The following CACUL1 variants were observed in gnomAD, a reference collection of about 807,000 sequenced individuals.
CACUL1 encodes CDK2-associated and cullin domain-containing protein 1.
A neutral mutation model predicts 45.2 loss-of-function variants in CACUL1; 13 were observed. The observed-to-expected ratio is 0.29, with a 90% CI of 0.19 to 0.46. The LOEUF is 0.46. Ranked by LOEUF, CACUL1 falls within the 20% of genes least tolerant of loss-of-function variation. The pLI, the probability that CACUL1 is intolerant of heterozygous loss-of-function variation, is 1.00. For synonymous variants in CACUL1, 197 were observed against 174.2 expected (o/e 1.13, Z -1.03); for missense variants, 421 against 471.4 (o/e 0.89, Z 0.99).
intron 4 of CACUL1, among the ~76,000 whole-genome samples, chr10:118,704,405 A>C (rs777037976): frequency 2.0e-4 from 30 of 152,178 alleles, no homozygotes; most frequent in Admixed American, 1.3e-4. Context: ...CATTCATTTT[A>C]ATATCAGGTG....
intron 7 of CACUL1, chr10:118,686,889 G>A (rs1273158518): frequency 6.3e-6 from 3 of 479,264 alleles, no homozygotes; most frequent in Non-Finnish European, 1.1e-5. Flanking sequence ...TTCCACTTTA[G>A]AGTTAAGAAA....
intron 7 of CACUL1, among the ~76,000 whole-genome samples, chr10:118,690,073 G>T (rs928740274): frequency 6.6e-6 from 1 of 152,176 alleles, no homozygotes; most frequent in Admixed American, 6.5e-5. Flanking sequence ...GGGAGGCCAA[G>T]TGTATCACTT....
At chr10:118,703,767 TAGCGG>T (rs1845407291) in intron 4 of CACUL1, among the ~76,000 whole-genome samples, 3 of 152,318 alleles carry the variant, frequency 2.0e-5, no homozygotes, top group African/African-American at 7.2e-5. Context: ...TAAAGTAAGT[TAGCGG>T]AAAAAAAGTT....
At chr10:118,729,487 C>T (rs1260861539) in intron 2 of CACUL1, 90 bp from the exon 3 acceptor site, 1 of 835,758 alleles carries the variant, frequency 1.2e-6, no homozygotes, top group Non-Finnish European at 2.0e-6. Context: ...GATATATAAC[C>T]ACTGATCCAA....
In CACUL1 at chr10:118,754,405, A is replaced by T; in HGVS notation, c.358T>A (p.Ser120Thr). 1 of 1,565,016 alleles carries T rather than the reference A, an allele frequency of 6.4e-7. No individual in the cohort carries two copies. Among genetic ancestry groups the T allele is most frequent in the Non-Finnish European group, 8.6e-7 (1 of 1,156,558 alleles). Residue 120 changes from serine to threonine, a missense_variant, in exon 1 of 9, where the codon TCC becomes ACC. Physicochemically the swap from Ser to Thr is moderately conservative, Grantham distance 58 (BLOSUM62 1). Around this residue, in one of 2 missense-constraint regions of CACUL1, gnomAD observed 213 missense variants for 173.1 expected, o/e 1.23. Coordinates refer to ENST00000369151, the MANE Select transcript of CACUL1 (RefSeq NM_153810.5). ...SSTININTST[S>T]KFLMNVITIE... ...GAAAGGCTGGACTCACAGAACTTGG[A>T]GGTGGAGGTGTTGATGTTGATGGTG...
intron 3 of CACUL1, among the ~76,000 whole-genome samples, chr10:118,716,303 G>GT (rs1845544232): frequency 8.0e-6 from 1 of 124,832 alleles, no homozygotes; most frequent in South Asian, 2.8e-4. Flanking sequence ...TACCATTTTG[G>GT]TATTTTTTTT....
chr10:118,689,427 C>T (rs1389402378), intron 7 of CACUL1, among the ~76,000 whole-genome samples: 4 of 152,206 alleles, frequency 2.6e-5, no homozygotes, highest in African/African-American at 7.2e-5. Context: ...CAAAAATGGT[C>T]TAATTAAGTT....
intron 6 of CACUL1, among the ~76,000 whole-genome samples, chr10:118,692,000 T>C (rs999699995): frequency 4.6e-5 from 7 of 151,644 alleles, no homozygotes; most frequent in African/African-American, 1.7e-4. Context: ...AAATTATAAG[T>C]ATGGAGGAAA....
chr10:118,700,757 A>G (rs1237242943), intron 5 of CACUL1, among the ~76,000 whole-genome samples: 3 of 151,676 alleles, frequency 2.0e-5, no homozygotes, highest in Non-Finnish European at 4.4e-5. Context: ...GGAGAAACGA[A>G]CTGAGCTTAA....
intron 3 of CACUL1, among the ~76,000 whole-genome samples, chr10:118,714,561 T>G (rs1845523267): frequency 6.6e-6 from 1 of 152,250 alleles, no homozygotes; most frequent in African/African-American, 2.4e-5. Flanking sequence ...TTCACTAATT[T>G]CTGAGAAAAT....
intron 1 of CACUL1, among the ~76,000 whole-genome samples, chr10:118,738,973 G>A (rs1047188934): frequency 2.7e-5 from 4 of 149,766 alleles, no homozygotes; most frequent in African/African-American, 7.4e-5. Flanking sequence ...CAAGGCAGGC[G>A]GATCACGAGG....
chr10:118,703,485 A>G (rs1426565300), intron 4 of CACUL1, among the ~76,000 whole-genome samples: 1 of 152,202 alleles, frequency 6.6e-6, no homozygotes, highest in Non-Finnish European at 1.5e-5. Flanking sequence ...CCCTACTGAT[A>G]ATACAAATGT....
chr10:118,710,198 T>C (rs981207828), intron 3 of CACUL1, among the ~76,000 whole-genome samples: 1 of 152,080 alleles, frequency 6.6e-6, no homozygotes, highest in Non-Finnish European at 1.5e-5. Context: ...AGGGCTGGGA[T>C]TACAGGTGTG....
At chr10:118,717,948 C>T (rs1845563351) in intron 3 of CACUL1, among the ~76,000 whole-genome samples, 1 of 148,682 alleles carries the variant, frequency 6.7e-6, no homozygotes, top group Admixed American at 7.1e-5. Flanking sequence ...ATGGGGTCCT[C>T]CATGACAAAA....
chr10:118,724,055 A>T (rs867591448), intron 3 of CACUL1, among the ~76,000 whole-genome samples: 1 of 152,122 alleles, frequency 6.6e-6, no homozygotes. Flanking sequence ...ATGAGCCACC[A>T]CACCTGGCCG....
intron 1 of CACUL1, among the ~76,000 whole-genome samples, chr10:118,731,503 A>G (rs1437094365): frequency 6.6e-6 from 1 of 152,214 alleles, no homozygotes; most frequent in Non-Finnish European, 1.5e-5. Context: ...TTTATTTTAC[A>G]GGACATCTGA....
chr10:118,730,971 A>T (rs1440299645), intron 1 of CACUL1, among the ~76,000 whole-genome samples: 1 of 152,218 alleles, frequency 6.6e-6, no homozygotes, highest in Non-Finnish European at 1.5e-5. Flanking sequence ...CTACAGCTCC[A>T]ACTCAGGCTG....
At chr10:118,701,027 G>C (rs1845374759) in intron 5 of CACUL1, among the ~76,000 whole-genome samples, 1 of 152,122 alleles carries the variant, frequency 6.6e-6, no homozygotes, top group Admixed American at 6.6e-5. Context: ...TTTCCCTACT[G>C]TCAGGAAAAA....
At position 118,700,716 on chromosome 10, in the gene CACUL1, C is replaced by CAAAAAAAAAAAAAA. The variant is rs59032746; in HGVS notation, c.796+576_796+589dup. 5.7e-4 allele frequency among the ~76,000 whole-genome samples: 76 copies of CAAAAAAAAAAAAAA among 132,890 alleles called. 1 individual carries two copies. Among genetic ancestry groups the CAAAAAAAAAAAAAA allele is most frequent in the African/African-American group, 2.4e-3 (76 of 31,720 alleles). 87.2% of individuals were successfully genotyped at this position (132,890 alleles called of 152,430 possible). On this transcript the variant is annotated intron_variant, in intron 5 of 8. Transcript: ENST00000369151. ...TAGGCGACAGAGCGAGACTCCGTCT[C>CAAAAAAAAAAAAAA]AAAAAAAAAAAAAAAAAAAGAATGG...
Sources: allele counts gnomAD v4.1 joint callset (sites outside exome capture counted in the v4.1 genomes callset), GRCh38; gene constraint gnomAD v4.1.1; regional missense constraint gnomAD v4.1.1; transcripts MANE v1.5; gene names NCBI Gene and HGNC (gene_info 2026-07-23, HGNC 2026-07-21).